STXBP6: variants seen among roughly 807,000 people sequenced by gnomAD.
STXBP6 encodes the protein syntaxin-binding protein 6.
Under a neutral mutation model 26.9 loss-of-function variants are expected in STXBP6, and 21 were observed. The ratio of observed to expected loss-of-function variants is 0.78; its 90% CI spans 0.55 to 1.12. STXBP6 has a LOEUF of 1.12. Among genes scored for constraint, STXBP6 ranks in the 50% most tolerant of loss-of-function variants. The pLI, the probability that STXBP6 is intolerant of heterozygous loss-of-function variation, is 0.00. For missense variants in STXBP6, 232 were observed against 257.9 expected, an observed-to-expected ratio of 0.90 and a Z score of 0.69; for synonymous variants, 97 against 92.6, an observed-to-expected ratio of 1.05 and a Z score of -0.27.
At chr14:25,047,115 G>A (rs901779416) in intron 1 of STXBP6, among the ~76,000 whole-genome samples, 1 of 152,168 alleles carries the variant, frequency 6.6e-6, no homozygotes, top group Admixed American at 6.5e-5. Flanking sequence ...CCAACCTTAA[G>A]GTTCAAGCTG....
At chr14:24,881,274 C>T (rs1239449114) in intron 2 of STXBP6, among the ~76,000 whole-genome samples, 1 of 152,176 alleles carries the variant, frequency 6.6e-6, no homozygotes, top group Non-Finnish European at 1.5e-5. Flanking sequence ...TGAATCTTCT[C>T]TTTCTAAAGG....
At chr14:24,876,832 G>A (rs2070164021) in intron 2 of STXBP6, among the ~76,000 whole-genome samples, 1 of 152,182 alleles carries the variant, frequency 6.6e-6, no homozygotes, top group South Asian at 2.1e-4. Flanking sequence ...GAGCAATGAT[G>A]AATCAGATGC....
Position 24,966,362 on chromosome 14 carries a change from C to A in STXBP6, c.154+8303G>T, listed in dbSNP as rs141194284. On this transcript the variant is annotated intron_variant, in intron 2 of 5. Coordinates refer to ENST00000323944, the MANE Select transcript of STXBP6 (RefSeq NM_001394410.1). ...ATTGTTTTTAAGGGAGGGGAGAGTTCTGTTCTCCAGATCTAGCCCTGTCTT... is the reference window on the plus strand; with the variant it reads ...ATTGTTTTTAAGGGAGGGGAGAGTTATGTTCTCCAGATCTAGCCCTGTCTT... 4.7e-3 allele frequency among the ~76,000 whole-genome samples: 704 copies of A among 148,666 alleles called. 20 individuals are homozygous for A. The highest frequency in any genetic ancestry group is 0.037 in the Admixed American group (557 of 14,880).
At chr14:24,835,218 T>C (rs938251860) in intron 4 of STXBP6, among the ~76,000 whole-genome samples, 8 of 152,174 alleles carry the variant, frequency 5.3e-5, no homozygotes, top group African/African-American at 1.9e-4. Flanking sequence ...ACTGGATCCC[T>C]GAATCACCAC....
intron 2 of STXBP6, among the ~76,000 whole-genome samples, chr14:24,952,927 A>T (rs887155379): frequency 2.6e-5 from 4 of 152,218 alleles, no homozygotes; most frequent in African/African-American, 7.2e-5. Flanking sequence ...ATTCATGAGC[A>T]TATGCAAATG....
chr14:24,937,481 T>C (rs2072644177), intron 2 of STXBP6, among the ~76,000 whole-genome samples: 1 of 152,192 alleles, frequency 6.6e-6, no homozygotes, highest in Admixed American at 6.5e-5. Flanking sequence ...CTGTCTTAAC[T>C]GAAGTGATGA....
At chr14:25,007,847 C>A (rs1397090065) in intron 1 of STXBP6, among the ~76,000 whole-genome samples, 1 of 152,170 alleles carries the variant, frequency 6.6e-6, no homozygotes, top group Non-Finnish European at 1.5e-5. Context: ...ACTTTTTGTA[C>A]TAAACACAAG....
chr14:24,828,459 T>C (rs963218932), intron 4 of STXBP6, among the ~76,000 whole-genome samples: 1 of 152,236 alleles, frequency 6.6e-6, no homozygotes, highest in Non-Finnish European at 1.5e-5. Context: ...GGATGCTTTA[T>C]TGATTTTAAT....
intron 2 of STXBP6, among the ~76,000 whole-genome samples, chr14:24,868,547 A>G (rs983752248): frequency 6.6e-6 from 1 of 152,200 alleles, no homozygotes; most frequent in Non-Finnish European, 1.5e-5. Flanking sequence ...AAACTGTGGT[A>G]TATCTATACA....
intron 4 of STXBP6, among the ~76,000 whole-genome samples, chr14:24,819,647 C>G (rs1266287290): frequency 6.6e-6 from 1 of 152,104 alleles, no homozygotes; most frequent in African/African-American, 2.4e-5. Flanking sequence ...AAACTGGGAC[C>G]ACAGAACTTT....
intron 1 of STXBP6, among the ~76,000 whole-genome samples, chr14:24,993,057 T>C (rs1309724794): frequency 6.6e-6 from 1 of 152,336 alleles, no homozygotes; most frequent in East Asian, 1.9e-4. Context: ...CTCTTGGATC[T>C]AGCTTATGAT....
chr14:24,858,335 C>T (rs1594976243), intron 2 of STXBP6, among the ~76,000 whole-genome samples: 1 of 151,936 alleles, frequency 6.6e-6, no homozygotes. Flanking sequence ...GAAAGGTGGC[C>T]ACTGTCCTTA....
intron 4 of STXBP6, among the ~76,000 whole-genome samples, chr14:24,826,339 G>A (rs867383577): frequency 6.6e-6 from 1 of 152,150 alleles, no homozygotes; most frequent in Non-Finnish European, 1.5e-5. Flanking sequence ...AATAAATGAG[G>A]TGATGCGCAA....
chr14:24,851,662 C>T (rs753690880), intron 4 of STXBP6, among the ~76,000 whole-genome samples: 1 of 151,992 alleles, frequency 6.6e-6, no homozygotes, highest in Non-Finnish European at 1.5e-5. Context: ...TTTCTGTTTA[C>T]AATAAACACA....
At chr14:25,035,086 T>C (rs541774562) in intron 1 of STXBP6, among the ~76,000 whole-genome samples, 1 of 150,458 alleles carries the variant, frequency 6.6e-6, no homozygotes, top group South Asian at 2.1e-4. Context: ...AGGAGGCGGA[T>C]GTTGCAGTGA....
At chr14:24,873,874 T>G (rs1326871220) in intron 2 of STXBP6, among the ~76,000 whole-genome samples, 1 of 152,172 alleles carries the variant, frequency 6.6e-6, no homozygotes, top group African/African-American at 2.4e-5. Context: ...CTGCCTGAAC[T>G]CCTGTGCATA....
At chr14:24,950,275 T>G (rs1287570787) in intron 2 of STXBP6, among the ~76,000 whole-genome samples, 1 of 152,124 alleles carries the variant, frequency 6.6e-6, no homozygotes, top group Non-Finnish European at 1.5e-5. Context: ...CTGTTTGGTA[T>G]TATACACAGA....
At chr14:25,036,318 G>T (rs1322921318) in intron 1 of STXBP6, among the ~76,000 whole-genome samples, 1 of 151,928 alleles carries the variant, frequency 6.6e-6, no homozygotes, top group Non-Finnish European at 1.5e-5. Context: ...GAGGGCTAGT[G>T]TGGTGGGGTC....
chr14:24,975,707 A>G (rs993914408), intron 1 of STXBP6, among the ~76,000 whole-genome samples: 1 of 152,158 alleles, frequency 6.6e-6, no homozygotes, highest in African/African-American at 2.4e-5. Flanking sequence ...ACACACATAC[A>G]TAGCCCCCAT....
Sources: gnomAD v4.1 joint callset for allele counts (sites outside exome capture counted in the v4.1 genomes callset) on GRCh38, gnomAD v4.1.1 for gene constraint, MANE v1.5 for transcripts, NCBI Gene and HGNC (gene_info 2026-07-23, HGNC 2026-07-21) for gene names.